PTPRM: variants seen among roughly 807,000 people sequenced by gnomAD.
PTPRM encodes receptor-type tyrosine-protein phosphatase mu.
In PTPRM, 47 loss-of-function variants were observed where a neutral mutation model predicts 186.7. That is an observed-to-expected ratio of 0.25 (90% CI 0.20 to 0.32). The LOEUF (loss-of-function observed/expected upper bound fraction) is 0.32, where lower values mean the gene tolerates loss of function less well. Ranked by LOEUF, PTPRM falls within the 10% of genes least tolerant of loss-of-function variation. The pLI is 1.00. For missense variants in PTPRM, 1,494 were observed against 1,865.0 expected, an observed-to-expected ratio of 0.80 and a Z score of 3.66; for synonymous variants, 668 against 674.9, an observed-to-expected ratio of 0.99 and a Z score of 0.16.
At chr18:7,908,014 C>T (rs2050080041) in intron 4 of PTPRM, among the ~76,000 whole-genome samples, 1 of 151,608 alleles carries the variant, frequency 6.6e-6, no homozygotes, top group African/African-American at 2.4e-5. Context: ...CAGTTTTTCT[C>T]TATTAAATAT....
intron 1 of PTPRM, among the ~76,000 whole-genome samples, chr18:7,745,436 G>A (rs1191805827): frequency 1.3e-5 from 2 of 152,226 alleles, no homozygotes; most frequent in African/African-American, 4.8e-5. Flanking sequence ...ACATCAAAGA[G>A]CAGAGCTCTC....
At chr18:7,628,129 G>C (rs1400750419) in intron 1 of PTPRM, among the ~76,000 whole-genome samples, 1 of 151,910 alleles carries the variant, frequency 6.6e-6, no homozygotes, top group Non-Finnish European at 1.5e-5. Flanking sequence ...CTCCAACCTG[G>C]GTGACAAGAG....
intron 19 of PTPRM, among the ~76,000 whole-genome samples, chr18:8,255,792 G>C (rs2094569222): frequency 6.6e-6 from 1 of 152,232 alleles, no homozygotes; most frequent in South Asian, 2.1e-4. Context: ...GAGGGATGCT[G>C]ATGTTGTCGT....
chr18:7,707,850 A>G (rs1157165806), intron 1 of PTPRM, among the ~76,000 whole-genome samples: 4 of 152,104 alleles, frequency 2.6e-5, no homozygotes, highest in South Asian at 2.1e-4. Context: ...TTTTTTCTCA[A>G]TTTTTGGGAG....
chr18:8,000,196 G>A (rs2083785311), intron 7 of PTPRM, among the ~76,000 whole-genome samples: 1 of 152,164 alleles, frequency 6.6e-6, no homozygotes, highest in Non-Finnish European at 1.5e-5. Flanking sequence ...TTCACCAGAT[G>A]TCTAGGCTGC....
chr18:8,038,783 C>T (rs1286764530), intron 7 of PTPRM, among the ~76,000 whole-genome samples: 5 of 152,124 alleles, frequency 3.3e-5, no homozygotes, highest in African/African-American at 1.2e-4. Flanking sequence ...TAGTCAGCCT[C>T]TTGATTGTTA....
chr18:7,657,917 T>C (rs903479461), intron 1 of PTPRM, among the ~76,000 whole-genome samples: 4 of 152,332 alleles, frequency 2.6e-5, no homozygotes, highest in African/African-American at 7.2e-5. Flanking sequence ...TACTGAGGTA[T>C]AACTAGCAAA....
intron 1 of PTPRM, among the ~76,000 whole-genome samples, chr18:7,771,134 T>C (rs4798593): frequency 0.52 from 79,737 of 152,062 alleles, 21,537 homozygotes; most frequent in East Asian, 0.89. Flanking sequence ...TTTAGTGCAA[T>C]AGTGGTTTTG....
chr18:7,664,466 G>A (rs1304647135), intron 1 of PTPRM, among the ~76,000 whole-genome samples: 3 of 152,198 alleles, frequency 2.0e-5, no homozygotes, highest in Non-Finnish European at 4.4e-5. Context: ...TCATATCCAC[G>A]GCCCTAAGCT....
chr18:7,567,506 A>T lies in PTPRM; in HGVS notation c.-313A>T, dbSNP rs1350825451. On this transcript the variant is annotated 5_prime_UTR_variant, in exon 1 of 33. Transcript: ENST00000580170. This position sits in a 1 kb window ranked among gnomAD's most constrained non-coding sequence, Gnocchi z 4.3. ...CGGGTCCCGGGCAGGGGAAGGGGAG[A>T]GGCGGCGAGCTCAGCAACCGGAACC... 3.9e-6 allele frequency: 1 copy of T among 256,268 alleles called. No homozygotes were observed. Among genetic ancestry groups the T allele is most frequent in the East Asian group, 7.5e-5 (1 of 13,346 alleles). 15.9% of individuals were successfully genotyped at this position (256,268 alleles called of 1,614,324 possible).
chr18:7,755,456 C>T (rs2041438434), intron 1 of PTPRM, among the ~76,000 whole-genome samples: 3 of 152,260 alleles, frequency 2.0e-5, no homozygotes, highest in South Asian at 2.1e-4. Context: ...GGTGGTCTTC[C>T]TGCTACAGCA....
intron 1 of PTPRM, among the ~76,000 whole-genome samples, chr18:7,572,925 C>T (rs1043403143): frequency 2.0e-5 from 3 of 151,982 alleles, no homozygotes; most frequent in Non-Finnish European, 4.4e-5. Context: ...CCTAAAATAC[C>T]GCGGTGGTTT....
At chr18:8,087,832 T>C (rs1426740521) in intron 10 of PTPRM, among the ~76,000 whole-genome samples, 1 of 152,186 alleles carries the variant, frequency 6.6e-6, no homozygotes, top group Non-Finnish European at 1.5e-5. Flanking sequence ...ACCTCTAGCT[T>C]TCTCATCAGG....
intron 3 of PTPRM, among the ~76,000 whole-genome samples, chr18:7,900,588 A>T (rs1242588877): frequency 6.6e-6 from 1 of 152,196 alleles, no homozygotes; most frequent in Non-Finnish European, 1.5e-5. Flanking sequence ...AAGGTATTCT[A>T]TATACATATA....
At chr18:8,271,272 C>T (rs1326953983) in intron 19 of PTPRM, among the ~76,000 whole-genome samples, 1 of 151,606 alleles carries the variant, frequency 6.6e-6, no homozygotes, top group South Asian at 2.1e-4. Context: ...TTTGATTTCT[C>T]TTCTTTGGTA....
At chr18:7,840,083 G>A (rs2046247893) in intron 2 of PTPRM, among the ~76,000 whole-genome samples, 1 of 137,234 alleles carries the variant, frequency 7.3e-6, no homozygotes, top group Non-Finnish European at 1.6e-5. Flanking sequence ...GGGTGGGGTG[G>A]AGGTGGGGGG....
At chr18:8,327,001 T>C (rs2095381253) in intron 22 of PTPRM, among the ~76,000 whole-genome samples, 2 of 152,212 alleles carry the variant, frequency 1.3e-5, no homozygotes. Context: ...TCTTACTAAT[T>C]GCATATGTTC....
chr18:7,577,933 G>T (rs1226337049), intron 1 of PTPRM, among the ~76,000 whole-genome samples: 2 of 152,170 alleles, frequency 1.3e-5, no homozygotes, highest in Non-Finnish European at 2.9e-5. Flanking sequence ...TATGTTTGGA[G>T]TGCAGCATGC....
chr18:8,384,760 C>T lies in PTPRM; in HGVS notation c.4044+74C>T, dbSNP rs2095760919. The T allele has an allele frequency of 3.2e-6, 5 of 1,558,186 alleles. No homozygotes were observed. In the South Asian group the frequency reaches 3.5e-5, roughly 11 times the overall value. On this transcript the variant is annotated intron_variant, in intron 30 of 32. Transcript: ENST00000580170. ...TCACTCACTGAATACTTGGAGCACT[C>T]ACTCTATGTCAGTCACTGTTCCAGG...
Sources: gnomAD v4.1 joint callset for allele counts (sites outside exome capture counted in the v4.1 genomes callset) on GRCh38, gnomAD v4.1.1 for gene constraint, Gnocchi (gnomAD v3.1) non-coding constraint, MANE v1.5 for transcripts, NCBI Gene and HGNC (gene_info 2026-07-23, HGNC 2026-07-21) for gene names.